Variants in MYO1E observed in about 807,000 individuals in gnomAD.
The protein encoded by MYO1E is myosin IE, also known as unconventional myosin-Ie.
A neutral mutation model predicts 151.1 loss-of-function variants in MYO1E; 68 were observed. That is an observed-to-expected ratio of 0.45 (90% CI 0.37 to 0.55). MYO1E has a LOEUF of 0.55. MYO1E is among the 20% of genes least tolerant of loss of function. The pLI, the probability that MYO1E is intolerant of heterozygous loss-of-function variation, is 0.00. For missense variants in MYO1E, 1,363 were observed against 1,389.3 expected, an observed-to-expected ratio of 0.98 and a Z score of 0.30; for synonymous variants, 601 against 501.7, an observed-to-expected ratio of 1.20 and a Z score of -2.64.
intron 16 of MYO1E, among the ~76,000 whole-genome samples, chr15:59,198,593 A>C (rs1335934455): frequency 6.6e-6 from 1 of 152,100 alleles, no homozygotes; most frequent in Non-Finnish European, 1.5e-5. Context: ...AGGCAGGCGG[A>C]TCAATTGAAG....
chr15:59,202,291 A>T (rs1324823979), intron 16 of MYO1E, 35 bp downstream of exon 16: 1 of 1,583,782 alleles, frequency 6.3e-7, no homozygotes, highest in Non-Finnish European at 8.7e-7. Context: ...GCTAGCCCTT[A>T]TAAGAATCTA....
intron 8 of MYO1E, 88 bp from the exon 9 acceptor site, chr15:59,223,279 T>G (rs771838928): frequency 1.2e-4 from 178 of 1,480,898 alleles, no homozygotes; most frequent in Admixed American, 6.0e-4. Flanking sequence ...GCAGCTGCTC[T>G]AAATAAGGAT....
rs369981641 is a variant in MYO1E at position 59,138,305 on chromosome 15, T to C, written c.3143A>G (p.Lys1048Arg). 21 of 1,614,114 alleles carry C rather than the reference T, an allele frequency of 1.3e-5. No homozygotes were observed. The highest frequency in any genetic ancestry group is 1.6e-5 in the Non-Finnish European group (19 of 1,180,036). ...GCACTGTGGCACCTGAGGCTTGGGC[T>C]TGGGCTGGGGCTTGGGTCTGCCCCC... ...PAGGRPKPQP[K>R]PKPQVPQCKA... Residue 1048 changes from lysine to arginine, a missense_variant, in exon 27 of 28, where the codon AAG becomes AGG. Transcript: ENST00000288235.
intron 9 of MYO1E, 91 bp downstream of exon 9, chr15:59,222,968 C>A (rs1374785610): frequency 6.4e-7 from 1 of 1,566,748 alleles, no homozygotes; most frequent in Non-Finnish European, 8.7e-7. Flanking sequence ...CCAATATTCC[C>A]ATTTGAGATC....
chr15:59,255,519 C>T (rs1005323746), intron 4 of MYO1E, among the ~76,000 whole-genome samples: 1 of 152,138 alleles, frequency 6.6e-6, no homozygotes, highest in Non-Finnish European at 1.5e-5. Flanking sequence ...CTCAGTCTCC[C>T]TAGTATCTGG....
chr15:59,277,438 G>A (rs1271700272), intron 1 of MYO1E, among the ~76,000 whole-genome samples: 1 of 151,726 alleles, frequency 6.6e-6, no homozygotes, highest in Admixed American at 6.6e-5. Flanking sequence ...CCGGCTACTC[G>A]GGAGGCTGAG....
intron 23 of MYO1E, 80 bp downstream of exon 23, chr15:59,163,077 C>T: frequency 6.5e-7 from 1 of 1,528,590 alleles, no homozygotes. Context: ...CCTCCTCCAG[C>T]CCCATCCTGA....
intron 22 of MYO1E, among the ~76,000 whole-genome samples, chr15:59,168,327 C>T (rs1160168671): frequency 6.6e-6 from 1 of 152,032 alleles, no homozygotes; most frequent in Non-Finnish European, 1.5e-5. Flanking sequence ...GGGTAGATCC[C>T]ATGAGCCCAG....
chr15:59,340,613 G>A (rs1253047160), intron 1 of MYO1E, among the ~76,000 whole-genome samples: 2 of 151,980 alleles, frequency 1.3e-5, no homozygotes, highest in African/African-American at 4.8e-5. Context: ...CCGTTTCTAA[G>A]TTCATTACTC....
chr15:59,339,391 G>T (rs1459156208), intron 1 of MYO1E, among the ~76,000 whole-genome samples: 1 of 152,144 alleles, frequency 6.6e-6, no homozygotes, highest in Non-Finnish European at 1.5e-5. Context: ...AGAAATGTAA[G>T]ATAGCTTGGT....
intron 1 of MYO1E, among the ~76,000 whole-genome samples, chr15:59,335,591 G>A (rs1311232278): frequency 3.9e-5 from 6 of 152,078 alleles, no homozygotes; most frequent in South Asian, 2.1e-4. Flanking sequence ...CAAGAGACCC[G>A]GCCAGGCTTG....
chr15:59,339,099 T>G (rs2080747745), intron 1 of MYO1E, among the ~76,000 whole-genome samples: 2 of 152,212 alleles, frequency 1.3e-5, no homozygotes, highest in Non-Finnish European at 2.9e-5. Flanking sequence ...GCCACTGCAC[T>G]CCAGCCTGGG....
At position 59,245,994 on chromosome 15, in the gene MYO1E, C is replaced by G. The variant is rs76056238; in HGVS notation, c.333-9322G>C. 7.1e-3 allele frequency among the ~76,000 whole-genome samples: 1,080 copies of G among 152,314 alleles called. 19 individuals are homozygous for G. Among genetic ancestry groups the G allele is most frequent in the African/African-American group, 0.025 (1,022 of 41,544 alleles). On this transcript the variant is annotated intron_variant, in intron 4 of 27. Coordinates refer to ENST00000288235, the MANE Select transcript of MYO1E (RefSeq NM_004998.4). ...TGGTTTTAATGCACAAATCCAAATT[C>G]TGGATTTTGGAGAACAGATTAATGA...
intron 1 of MYO1E, among the ~76,000 whole-genome samples, chr15:59,291,711 A>AAGAGAG (rs1555417405): frequency 4.5e-5 from 3 of 67,018 alleles, no homozygotes; most frequent in African/African-American, 2.0e-4. Context: ...AAAAAAAAAA[A>AAGAGAG]AGAGAGAGAG....
rs993039679 is a variant in MYO1E, at chr15:59,202,413, A to G, written c.1617-6T>C. 6.2e-7 allele frequency: 1 copy of G among 1,612,400 alleles called. No homozygotes were observed. The highest frequency in any genetic ancestry group is 1.7e-5 in the Admixed American group (1 of 60,008). On this transcript the variant is annotated splice_region_variant and splice_polypyrimidine_tract_variant and intron_variant, in intron 15 of 27. Coordinates refer to ENST00000288235, the MANE Select transcript of MYO1E (RefSeq NM_004998.4). ...ATAAAGACTTTATGAAAGGCCTGGAAAAGGAGAAAGAGAATGAATTAACAA... is the reference window on the plus strand; with the variant it reads ...ATAAAGACTTTATGAAAGGCCTGGAGAAGGAGAAAGAGAATGAATTAACAA...
intron 1 of MYO1E, among the ~76,000 whole-genome samples, chr15:59,357,843 T>C (rs771172010): frequency 5.9e-5 from 9 of 151,884 alleles, no homozygotes; most frequent in South Asian, 2.1e-4. Flanking sequence ...GGGGGAGGAA[T>C]TGATTCCAGC....
intron 1 of MYO1E, among the ~76,000 whole-genome samples, chr15:59,291,383 G>C (rs1017441093): frequency 2.6e-5 from 4 of 152,154 alleles, no homozygotes; most frequent in Non-Finnish European, 5.9e-5. Context: ...AAGTTCACCG[G>C]AGTTAAAAGG....
intron 1 of MYO1E, among the ~76,000 whole-genome samples, chr15:59,276,179 T>C (rs2080317700): frequency 6.6e-6 from 1 of 152,182 alleles, no homozygotes; most frequent in Admixed American, 6.5e-5. Context: ...CTGCCATGTG[T>C]GCTGGGAGAG....
At chr15:59,229,402 T>A (rs1392142705) in intron 6 of MYO1E, among the ~76,000 whole-genome samples, 1 of 152,210 alleles carries the variant, frequency 6.6e-6, no homozygotes, top group African/African-American at 2.4e-5. Context: ...TGCTCTAACA[T>A]AATAAAATGC....
Sources: gnomAD v4.1 joint callset for allele counts (sites outside exome capture counted in the v4.1 genomes callset) on GRCh38, gnomAD v4.1.1 for gene constraint, MANE v1.5 for transcripts, NCBI Gene and HGNC (gene_info 2026-07-23, HGNC 2026-07-21) for gene names.